NUDC: variants seen among roughly 807,000 people sequenced by gnomAD.
NUDC encodes the protein nuclear distribution C, dynein complex regulator, also known as nuclear migration protein nudC.
In NUDC, 14 loss-of-function variants were observed where a neutral mutation model predicts 45.0. The observed-to-expected ratio is 0.31, with a 90% CI of 0.21 to 0.49. The LOEUF is 0.49. Ranked by LOEUF, NUDC falls within the 20% of genes least tolerant of loss-of-function variation. NUDC has a pLI of 0.99. For missense variants in NUDC, 323 were observed against 426.2 expected (o/e 0.76, Z 2.13); for synonymous variants, 153 against 156.7 (o/e 0.98, Z 0.17).
At chr1:26,919,334 G>A (rs2082077646), upstream of NUDC, among the ~76,000 whole-genome samples, 4 of 152,206 alleles carry the variant, frequency 2.6e-5, no homozygotes, top group South Asian at 8.3e-4. Flanking sequence ...CCATGTTGGT[G>A]TGCTGCACCC....
chr1:26,934,329 G>C (rs755433053), intron 2 of NUDC, among the ~76,000 whole-genome samples: 1 of 152,140 alleles, frequency 6.6e-6, no homozygotes, highest in Non-Finnish European at 1.5e-5. Context: ...GAACTCACTC[G>C]TATCATGAGA....
chr1:26,911,235 G>A (rs935000712), exon 3 of NUDC: 1 of 461,610 alleles, frequency 2.2e-6, no homozygotes, highest in African/African-American at 2.0e-5. Flanking sequence ...CTTTCACTGT[G>A]GTAAGAGGGC....
At chr1:26,913,681 A>C (rs754215923) in intron 3 of NUDC, 10 of 1,612,876 alleles carry the variant, frequency 6.2e-6, no homozygotes, top group African/African-American at 2.7e-5. Flanking sequence ...ACCCTGCAGC[A>C]GCCGCCGCTG....
upstream of NUDC, among the ~76,000 whole-genome samples, chr1:26,920,594 T>A (rs1343466920): frequency 1.3e-5 from 2 of 149,378 alleles, no homozygotes; most frequent in Non-Finnish European, 3.0e-5. Context: ...ATTGGAGAGG[T>A]AGCAGCAGAA....
intron 1 of NUDC, chr1:26,902,175 GAC>G (rs2124043225): frequency 6.6e-6 from 1 of 152,272 alleles, no homozygotes; most frequent in South Asian, 2.1e-4. Context: ...GACAAAGCCA[GAC>G]ACAGACTCCA....
chr1:26,900,348 T>C (rs2081970551), exon 1 of NUDC: 1 of 1,613,998 alleles, frequency 6.2e-7, no homozygotes, highest in Non-Finnish European at 8.5e-7. Context: ...CTGGCTAAAA[T>C]AGCTCCGTAA....
upstream of NUDC, among the ~76,000 whole-genome samples, chr1:26,919,840 A>G (rs537195281): frequency 2.4e-4 from 37 of 152,176 alleles, no homozygotes. Context: ...CAATTTTAGA[A>G]TTTTGCTTTT....
chr1:26,943,127 CTTAGT>C (rs2124141237), intron 6 of NUDC, 62 bp downstream of exon 6: 2 of 1,558,910 alleles, frequency 1.3e-6, no homozygotes, highest in East Asian at 2.2e-5. Context: ...AGGATGTGTG[CTTAGT>C]TTACTCAGGA....
At chr1:26,917,663 G>T (rs948201123), upstream of NUDC, among the ~76,000 whole-genome samples, 7 of 151,988 alleles carry the variant, frequency 4.6e-5, no homozygotes, top group African/African-American at 1.7e-4. Context: ...TGAGGTGGCC[G>T]GATCACTTGA....
chr1:26,921,075 T>C (rs78581866), upstream of NUDC, among the ~76,000 whole-genome samples: 8,122 of 152,292 alleles, frequency 0.053, 302 homozygotes, highest in Non-Finnish European at 0.078. Flanking sequence ...ATGAGATTCA[T>C]TGCACAAGTG....
intron 3 of NUDC, chr1:26,913,642 A>C: frequency 6.2e-7 from 1 of 1,613,806 alleles, no homozygotes; most frequent in Non-Finnish European, 8.5e-7. Context: ...ATCTTGGGCC[A>C]ACCCAAGCAG....
At chr1:26,939,808 T>G (rs992158260) in intron 2 of NUDC, among the ~76,000 whole-genome samples, 1 of 152,202 alleles carries the variant, frequency 6.6e-6, no homozygotes, top group Non-Finnish European at 1.5e-5. Flanking sequence ...ATTTAGCGTT[T>G]CTAACAGGTT....
rs57409245 is a variant in NUDC, at chr1:26,914,975, A to ATATATGTATATG, written c.93+3770_93+3781dup. Among the ~76,000 whole-genome samples the ATATATGTATATG allele has an allele frequency of 4.8e-3, 674 of 141,310 alleles. 8 individuals carry two copies. The highest frequency in any genetic ancestry group is 0.015 in the African/African-American group (553 of 37,760). 92.7% of individuals were successfully genotyped at this position (141,310 alleles called of 152,430 possible). On this transcript the variant is annotated intron_variant, in intron 3 of 6. Coordinates refer to the NUDC transcript ENST00000435827. ...GAGCAAGATCCTGTCTCAAAAAAAT[A>ATATATGTATATG]TATATGTATATGTATATGTATATGT...
chr1:26,923,707 AGT>A (rs2082109178), intron 1 of NUDC, among the ~76,000 whole-genome samples: 2 of 152,034 alleles, frequency 1.3e-5, no homozygotes, highest in Admixed American at 1.3e-4. Flanking sequence ...CCTGACCTCA[AGT>A]GACCCGCCCA....
At chr1:26,936,997 T>G (rs556267136) in intron 2 of NUDC, among the ~76,000 whole-genome samples, 9 of 152,230 alleles carry the variant, frequency 5.9e-5, no homozygotes, top group Non-Finnish European at 1.2e-4. Context: ...AATTGCCTCG[T>G]GTACTTCTGA....
rs2082143657 is a variant in NUDC, at chr1:26,927,424, G to A, written c.159+3258G>A. 2.0e-5 allele frequency among the ~76,000 whole-genome samples: 3 copies of A among 147,418 alleles called. No homozygotes were observed. The South Asian group carries it at 6.4e-4, about 31-fold the overall frequency. ...CTTTTTTTTTTTTTTTTGAGACGGA[G>A]TCTTGCTCTATGACCTAGGCAGGAG... On this transcript the variant is annotated intron_variant, in intron 2 of 8. Transcript: ENST00000321265.
At chr1:26,912,448 G>T (rs1260881077) in intron 3 of NUDC, among the ~76,000 whole-genome samples, 1 of 152,044 alleles carries the variant, frequency 6.6e-6, no homozygotes, top group Non-Finnish European at 1.5e-5. Context: ...TGTCTCCTAG[G>T]CTTTTATGAG....
At position 26,904,037 on chromosome 1, in the gene NUDC, AAATAAATAAAT is replaced by A. The variant is rs1290224806; in HGVS notation, c.-16+1685_-16+1695del. 2.1e-5 allele frequency among the ~76,000 whole-genome samples: 3 copies of A among 144,422 alleles called. 1 individual carries two copies. Among genetic ancestry groups the A allele is most frequent in the African/African-American group, 7.6e-5 (3 of 39,338 alleles). The allele number at this position is 144,422 out of a possible 152,430, so 94.7% of individuals were successfully genotyped here. Reference sequence around the variant, plus strand: ...AAATAAATAAATAAATAAATAAATTAAATAAATAAATAATAAATAAATAAATAAAAATACAA... The same window carrying A: ...AAATAAATAAATAAATAAATAAATTAAATAAATAAATAAATAAAAATACAA... On this transcript the variant is annotated intron_variant, in intron 2 of 6. Transcript: ENST00000435827.
chr1:26,921,262 C>T (rs1205843301), upstream of NUDC, among the ~76,000 whole-genome samples: 3 of 152,318 alleles, frequency 2.0e-5, no homozygotes, highest in Non-Finnish European at 4.4e-5. Context: ...AGCGTGGAGC[C>T]TTTCTAAGCC....
Sources: allele counts gnomAD v4.1 joint callset (sites outside exome capture counted in the v4.1 genomes callset), GRCh38; gene constraint gnomAD v4.1.1; transcripts MANE v1.5; gene names NCBI Gene and HGNC (gene_info 2026-07-23, HGNC 2026-07-21).